Variants in AGRN observed in about 807,000 individuals in gnomAD.
The protein encoded by AGRN is agrin proteoglycan.
In AGRN, 106 loss-of-function variants were observed where a neutral mutation model predicts 211.0. The ratio of observed to expected loss-of-function variants is 0.50; its 90% CI spans 0.43 to 0.59. AGRN has a LOEUF of 0.59. Ranked by LOEUF, AGRN falls within the 20% of genes least tolerant of loss-of-function variation. The probability of loss-of-function intolerance (pLI) is 0.00; values close to 1 mark genes in which losing one functional copy is unlikely to be tolerated. For missense variants in AGRN, 3,040 were observed against 2,982.6 expected, an observed-to-expected ratio of 1.02 and a Z score of -0.45; for synonymous variants, 1,525 against 1,332.5, an observed-to-expected ratio of 1.14 and a Z score of -3.15.
chr1:1,043,492 G>A (rs751291105), intron 8 of AGRN, 35 bp downstream of exon 8: 34 of 1,601,332 alleles, frequency 2.1e-5, no homozygotes, highest in Middle Eastern at 1.6e-4. Context: ...TGGGGGTCGG[G>A]GAGAGAGAGG....
intron 18 of AGRN, 38 bp from the exon 19 acceptor site, chr1:1,046,782 G>C (rs758416939): frequency 1.9e-6 from 3 of 1,573,756 alleles, no homozygotes; most frequent in Non-Finnish European, 2.6e-6. Flanking sequence ...GCGCCGAGAG[G>C]CTCCACCAGA....
In AGRN at chr1:1,051,000, C is replaced by A. The variant is rs1046303862; in HGVS notation, c.5253+163C>A. 5 of 1,549,974 alleles carry A rather than the reference C, an allele frequency of 3.2e-6. No individual in the cohort carries two copies. The African/African-American group carries it at 6.8e-5, about 21-fold the overall frequency. ...TCTGCCTCCCTGCTCTCTGCTCTCG[C>A]TCTGCAACCCCACCCGCTCTTCGGA... On this transcript the variant is annotated intron_variant, in intron 30 of 35. Transcript: ENST00000379370.
rs1644920121 is a variant in AGRN at position 1,041,092 on chromosome 1, C to T, written c.728-81C>T. On this transcript the variant is annotated intron_variant, in intron 4 of 35. Transcript: ENST00000379370. ...CGGGGAGGAGCGGGGCTGGGAGGGG[C>T]CTGGGGGGCGGAGCGGGGCGGGAGC... 1.2e-5 allele frequency: 8 copies of T among 684,054 alleles called. 1 individual carries two copies. Among genetic ancestry groups the T allele is most frequent in the Non-Finnish European group, 3.6e-6 (2 of 553,462 alleles). The allele number at this position is 684,054 out of a possible 1,614,324, so 42.4% of individuals were successfully genotyped here.
Position 1,046,171 on chromosome 1 carries a change from A to C in AGRN, c.2817A>C (p.Ser939=). ...PEANATKVCG[S]DGVTYGNECQ... ...GTTCTCTGCCCCAGGTCTGTGGGTC[A>C]GATGGAGTCACATACGGCAACGAGT... is the stretch of plus-strand genomic sequence containing the variant. The change falls in exon 17 of 36, where the codon TCA becomes TCC. Residue 939 remains serine (S), a synonymous_variant. Transcript: ENST00000379370. The C allele has an allele frequency of 6.2e-7, 1 of 1,613,898 alleles. No individual in the cohort carries two copies.
intron 2 of AGRN, among the ~76,000 whole-genome samples, chr1:1,024,426 G>A (rs1644475072): frequency 6.6e-6 from 1 of 152,056 alleles, no homozygotes; most frequent in South Asian, 2.1e-4. Context: ...TGGATGGAGG[G>A]AGCTTGAGCC....
At position 1,050,004 on chromosome 1, in the gene AGRN, C is replaced by T; in HGVS notation, c.4846C>T (p.Pro1616Ser). 2 of 1,610,762 alleles carry T rather than the reference C, an allele frequency of 1.2e-6. No homozygotes were observed. Among genetic ancestry groups the T allele is most frequent in the South Asian group, 1.1e-5 (1 of 90,830 alleles). The change falls in exon 27 of 36, where the codon CCC becomes TCC. Residue 1616 changes from proline to serine, a missense_variant. Transcript: ENST00000379370. ...LPEGGAQCECPLGREGTFCQT... is the reference protein window; with the variant it reads ...LPEGGAQCECSLGREGTFCQT... The stretch of plus-strand genomic sequence containing the variant: ...CGAGGGTGGTGCTCAGTGCGAGTGC[C>T]CCCTGGGGCGTGAGGGCACCTTCTG...
At position 1,050,685 on chromosome 1, in the gene AGRN, G is replaced by T. The variant is rs368151237; in HGVS notation, c.5142-41G>T. ...TCAGGCCCTGGGTGGTCGCGTGGCCGGTGGTGGACAGAGCCCACTCACGCT... is the reference window on the plus strand; with the variant it reads ...TCAGGCCCTGGGTGGTCGCGTGGCCTGTGGTGGACAGAGCCCACTCACGCT... On this transcript the variant is annotated intron_variant, in intron 29 of 35. Coordinates refer to ENST00000379370, the MANE Select transcript of AGRN (RefSeq NM_198576.4). The T allele has an allele frequency of 8.1e-5, 129 of 1,601,652 alleles. 1 individual carries two copies. In the East Asian group the frequency reaches 1.1e-3, roughly 13 times the overall value.
rs1645056690 is a variant in AGRN, at chr1:1,045,222, C to T, written c.2316C>T (p.Gly772=). Residue 772 remains glycine, a synonymous_variant, in exon 13 of 36, where the codon GGC becomes GGT. Transcript: ENST00000379370. ...APLHCAQTPY[G]CCQDNITAAR... ...TACACTGTGCCCAGACGCCCTACGG[C>T]TGCTGCCAGGACAATATCACCGCAG... is the stretch of plus-strand genomic sequence containing the variant. 8 of 1,612,538 alleles carry T rather than the reference C, an allele frequency of 5.0e-6. No individual in the cohort carries two copies. The highest frequency in any genetic ancestry group is 1.7e-5 in the Admixed American group (1 of 60,004).
rs1389840850 is a variant in AGRN, at chr1:1,020,192, C to G, written c.20C>G (p.Pro7Arg). Residue 7 changes from proline (P) to arginine (R), a missense_variant, in exon 1 of 36, where the codon CCG becomes CGG. This residue lies in a region of AGRN where 1,498 missense variants were observed against 1,457.8 expected (regional missense o/e 1.03). Transcript: ENST00000379370. The stretch of plus-strand genomic sequence containing the variant: ...TGCGCCATGGCCGGCCGGTCCCACC[C>G]GGGCCCGCTGCGGCCGCTGCTGCCG... MAGRSH[P>R]GPLRPLLPLL... The G allele has an allele frequency of 2.1e-5, 28 of 1,360,418 alleles. No individual in the cohort carries two copies. Among genetic ancestry groups the G allele is most frequent in the Non-Finnish European group, 2.5e-5 (27 of 1,059,798 alleles). The allele number at this position is 1,360,418 out of a possible 1,614,324, so 84.3% of individuals were successfully genotyped here.
rs903099807 is a variant in AGRN, at chr1:1,054,075, G to A, written c.5876+98G>A. 2.3e-6 allele frequency: 3 copies of A among 1,328,336 alleles called. No homozygotes were observed. In the African/African-American group the frequency reaches 4.4e-5, roughly 19 times the overall value. The allele number at this position is 1,328,336 out of a possible 1,614,324, so 82.3% of individuals were successfully genotyped here. On this transcript the variant is annotated intron_variant, in intron 34 of 35. Transcript: ENST00000379370. The stretch of plus-strand genomic sequence containing the variant: ...GTCACTTGTGACCAGGGGTCAGGGA[G>A]GACACGCCTTGCTGCCTGAGCCGAG...
At chr1:1,049,473 G>A in intron 25 of AGRN, 22 bp downstream of exon 25, 2 of 1,600,458 alleles carry the variant, frequency 1.2e-6, no homozygotes, top group East Asian at 2.2e-5. Context: ...GGAGGGTGGT[G>A]TGGCCCCGAC....
In AGRN at chr1:1,046,478, C is replaced by A. The variant is rs200807722; in HGVS notation, c.2993C>A (p.Pro998Gln). ...TPGLLLSQAL[P>Q]APPGALPLAP... ...GGGCTCCTCCTGAGCCAGGCACTGC[C>A]GGCCCCCCCCGGCGCCCTCCCCCTG... The change falls in exon 18 of 36, where the codon CCG becomes CAG. Residue 998 changes from proline (P) to glutamine (Q), a missense_variant. Pro to Gln is a moderately conservative substitution (Grantham distance 76). This residue lies in a region of AGRN where 1,537 missense variants were observed against 1,505.0 expected (regional missense o/e 1.02). Coordinates refer to ENST00000379370, the MANE Select transcript of AGRN (RefSeq NM_198576.4). 2 of 1,611,106 alleles carry A rather than the reference C, an allele frequency of 1.2e-6. No individual in the cohort carries two copies. The highest frequency in any genetic ancestry group is 1.7e-5 in the Admixed American group (1 of 59,902).
chr1:1,042,681 T>C (rs1388661786), intron 7 of AGRN, among the ~76,000 whole-genome samples: 1 of 152,198 alleles, frequency 6.6e-6, no homozygotes, highest in Non-Finnish European at 1.5e-5. Flanking sequence ...CCGCCTCTTG[T>C]GTCTTCCAGC....
At position 1,046,458 on chromosome 1, in the gene AGRN, C is replaced by T. The variant is rs768924940; in HGVS notation, c.2973C>T (p.Leu991=). 20 of 1,612,388 alleles carry T rather than the reference C, an allele frequency of 1.2e-5. No individual in the cohort carries two copies. The East Asian group carries it at 4.2e-4, about 34-fold the overall frequency. Reference sequence around the variant, plus strand: ...CCGTGACTGTGACCACCCCAGGGCTCCTCCTGAGCCAGGCACTGCCGGCCC... The same window carrying T: ...CCGTGACTGTGACCACCCCAGGGCTTCTCCTGAGCCAGGCACTGCCGGCCC... The part of the protein sequence containing the change: ...SASVTVTTPG[L]LLSQALPAPP... The change falls in exon 18 of 36, where the codon CTC becomes CTT. Residue 991 remains leucine (L), a synonymous_variant. Coordinates refer to ENST00000379370, the MANE Select transcript of AGRN (RefSeq NM_198576.4).
rs930056064 is a variant in AGRN at position 1,028,334 on chromosome 1, C to G, written c.463+5872C>G. ...CGTGGGGAAACGCCCCCCCCCCCCC[C>G]CCGCCCTGCACCTGGCTGGCGGCAC... On this transcript the variant is annotated intron_variant, in intron 2 of 35. Coordinates refer to ENST00000379370, the MANE Select transcript of AGRN (RefSeq NM_198576.4). Among the ~76,000 whole-genome samples, 11 of 145,184 alleles carry G rather than the reference C, an allele frequency of 7.6e-5. 1 individual carries two copies. The highest frequency in any genetic ancestry group is 1.3e-4 in the Admixed American group (2 of 14,894).
intron 13 of AGRN, 23 bp downstream of exon 13, chr1:1,045,300 G>C (rs368281597): frequency 1.2e-6 from 2 of 1,611,884 alleles, no homozygotes; most frequent in Admixed American, 1.7e-5. Context: ...GCTCAGCCCC[G>C]ACCCCGGGCC....
In AGRN at chr1:1,055,799, G is replaced by A. The variant is rs537918904; in HGVS notation, c.*818G>A. The A allele has an allele frequency of 1.0e-3, 160 of 152,596 alleles. No individual in the cohort carries two copies. The highest frequency in any genetic ancestry group is 1.8e-3 in the Non-Finnish European group (121 of 68,236). The allele number at this position is 152,596 out of a possible 1,614,324, so 9.5% of individuals were successfully genotyped here. Reference sequence around the variant, plus strand: ...CCATCTCGCCTGAGAGCGGCTGAGGGCTGCCTCACTGCAAATCCTCCCCAC... The same window carrying A: ...CCATCTCGCCTGAGAGCGGCTGAGGACTGCCTCACTGCAAATCCTCCCCAC... On this transcript the variant is annotated 3_prime_UTR_variant, in exon 36 of 36. Transcript: ENST00000379370.
chr1:1,021,025 G>A (rs1644390804), intron 1 of AGRN, among the ~76,000 whole-genome samples: 1 of 152,066 alleles, frequency 6.6e-6, no homozygotes, highest in Non-Finnish European at 1.5e-5. Context: ...GGGTAGGTAC[G>A]CTGGGACCCC....
Position 1,049,065 on chromosome 1 carries a change from C to T in AGRN, c.4298+6C>T, listed in dbSNP as rs199977575. 91 of 1,049,670 alleles carry T rather than the reference C, an allele frequency of 8.7e-5. No individual in the cohort carries two copies. Among genetic ancestry groups the T allele is most frequent in the African/African-American group, 6.5e-4 (33 of 50,782 alleles). 65.0% of individuals were successfully genotyped at this position (1,049,670 alleles called of 1,614,324 possible). ...GATGGCCGCGTGCAGCTCAGGTGGG[C>T]GGGGAGGGGACGGGGCCGGGGCAGC... On this transcript the variant is annotated splice_donor_region_variant and intron_variant, in intron 24 of 35. Coordinates refer to ENST00000379370, the MANE Select transcript of AGRN (RefSeq NM_198576.4).
Sources: allele counts gnomAD v4.1 joint callset (sites outside exome capture counted in the v4.1 genomes callset), GRCh38; gene constraint gnomAD v4.1.1; regional missense constraint gnomAD v4.1.1; transcripts MANE v1.5; gene names NCBI Gene and HGNC (gene_info 2026-07-23, HGNC 2026-07-21).